PTPN22: variants seen among roughly 807,000 people sequenced by gnomAD.
The protein encoded by PTPN22 is protein tyrosine phosphatase non-receptor type 22, also known as tyrosine-protein phosphatase non-receptor type 22.
A neutral mutation model predicts 103.3 loss-of-function variants in PTPN22; 85 were observed. That is an observed-to-expected ratio of 0.82 (90% CI 0.69 to 0.99). The LOEUF (loss-of-function observed/expected upper bound fraction) is 0.99, where lower values mean the gene tolerates loss of function less well. Among genes scored for constraint, PTPN22 ranks in the 50% least tolerant of loss-of-function variants. The probability of loss-of-function intolerance (pLI) is 0.00; values close to 1 mark genes in which losing one functional copy is unlikely to be tolerated. For synonymous variants in PTPN22, 323 were observed against 310.2 expected (o/e 1.04, Z -0.43); for missense variants, 865 against 936.9 (o/e 0.92, Z 1.00).
intron 19 of PTPN22, among the ~76,000 whole-genome samples, chr1:113,823,766 CCT>C (rs1489510916): frequency 9.2e-5 from 14 of 152,278 alleles, no homozygotes; most frequent in East Asian, 3.9e-4. Context: ...TTTTATTTCC[CCT>C]GTTTCCTACC....
rs576378907 is a variant in PTPN22, at chr1:113,837,462, GA to G, written c.1810+127del. On this transcript the variant is annotated intron_variant, in intron 13 of 20. Coordinates refer to ENST00000359785, the Ensembl canonical transcript of PTPN22. ...GAGACTCCATCTCAAAAAAAAAAAA[GA>G]AAAAAAAGAGAAAAAAGAAAGAAAG... The G allele has an allele frequency of 5.0e-4, 341 of 683,470 alleles. 3 individuals carry two copies. In the South Asian group the frequency reaches 7.6e-3, roughly 15 times the overall value. The allele number at this position is 683,470 out of a possible 1,614,324, so 42.3% of individuals were successfully genotyped here.
chr1:113,833,562 A>G (rs751379415), intron 15 of PTPN22, among the ~76,000 whole-genome samples: 4 of 152,228 alleles, frequency 2.6e-5, no homozygotes, highest in Non-Finnish European at 5.9e-5. Flanking sequence ...TTTAAAAGGC[A>G]GAGAATATTT....
chr1:113,865,905 C>T (rs537448389), intron 1 of PTPN22, among the ~76,000 whole-genome samples: 2 of 152,292 alleles, frequency 1.3e-5, no homozygotes, highest in South Asian at 4.1e-4. Flanking sequence ...ATTTTACTGA[C>T]TTAATCCAAG....
Position 113,834,361 on chromosome 1 carries a change from C to G in PTPN22, c.1973G>C (p.Gly658Ala). 3.1e-6 allele frequency: 5 copies of G among 1,613,898 alleles called. No individual in the cohort carries two copies. In the South Asian group the frequency reaches 5.5e-5, roughly 18 times the overall value. The stretch of plus-strand genomic sequence containing the variant: ...ATCAAATTTCTTTGGTTCAGATGTT[C>G]CACCCCATTCCAGTGATGTTCCAAT... The change falls in exon 15 of 21, where the codon GGA (glycine) becomes GCA (alanine). Residue 658 changes from glycine (G) to alanine (A), a missense_variant. Gly to Ala is a moderately conservative substitution (Grantham distance 60). This residue lies in a region of PTPN22 where 401 missense variants were observed against 388.6 expected (regional missense o/e 1.03). Coordinates refer to ENST00000359785, the Ensembl canonical transcript of PTPN22.
rs1666499656 is a variant in PTPN22, at chr1:113,870,654, A to C, written c.87+883T>G. Among the ~76,000 whole-genome samples, 4 of 152,284 alleles carry C rather than the reference A, an allele frequency of 2.6e-5. No homozygotes were observed. The South Asian group carries it at 8.3e-4, about 32-fold the overall frequency. ...CCATCCTAGCCATTCCACTTCTCCA[A>C]GCAAAAGAAGTTAAGGAAGCCCTGT... On this transcript the variant is annotated intron_variant, in intron 1 of 20. Transcript: ENST00000359785.
rs190615374 is a variant in PTPN22, at chr1:113,855,570, G to A, written c.541-521C>T. 1.8e-3 allele frequency among the ~76,000 whole-genome samples: 270 copies of A among 149,806 alleles called. 1 individual carries two copies. The highest frequency in any genetic ancestry group is 3.3e-3 in the Non-Finnish European group (223 of 67,512). ...AATAGCCAGGATAATAAGACAACTT[G>A]TGGTTAGAACTCCACCTCATTATAC... is the stretch of plus-strand genomic sequence containing the variant. On this transcript the variant is annotated intron_variant, in intron 7 of 20. Transcript: ENST00000359785.
intron 13 of PTPN22, among the ~76,000 whole-genome samples, chr1:113,835,776 T>A (rs1265877444): frequency 6.6e-6 from 1 of 152,154 alleles, no homozygotes; most frequent in Admixed American, 6.5e-5. Flanking sequence ...ATATGGGTAT[T>A]TTTCCATTTT....
At chr1:113,848,555 T>C (rs1352771396) in exon 11 of PTPN22, 5 of 1,613,380 alleles carry the variant, frequency 3.1e-6, no homozygotes, top group Non-Finnish European at 4.2e-6. Flanking sequence ...TTCCAGAATG[T>C]TTATCTCTGA....
intron 19 of PTPN22, among the ~76,000 whole-genome samples, chr1:113,822,890 G>A (rs1353552694): frequency 6.6e-6 from 1 of 152,070 alleles, no homozygotes; most frequent in Non-Finnish European, 1.5e-5. Flanking sequence ...ACCTGGGAGG[G>A]GGAGGTTGCA....
intron 5 of PTPN22, chr1:113,856,938 C>T (rs975650250): frequency 4.3e-6 from 1 of 230,998 alleles, no homozygotes; most frequent in Non-Finnish European, 8.6e-6. Flanking sequence ...TACCTAGTTC[C>T]CTTGCTTTTG....
intron 19 of PTPN22, 172 bp from the exon 20 acceptor site, chr1:113,819,826 A>T: frequency 2.6e-6 from 1 of 390,008 alleles, no homozygotes; most frequent in Non-Finnish European, 4.4e-6. Flanking sequence ...TAATATTCTC[A>T]TTTGTATTTT....
chr1:113,830,881 A>G (rs1310182), intron 16 of PTPN22, among the ~76,000 whole-genome samples: 85,004 of 151,918 alleles, frequency 0.56, 24,555 homozygotes, highest in South Asian at 0.65. Context: ...AGAGGTTCAC[A>G]TGTCATTGGT....
At chr1:113,824,867 AT>A (rs769690611) in intron 19 of PTPN22, among the ~76,000 whole-genome samples, 11 of 149,304 alleles carry the variant, frequency 7.4e-5, no homozygotes, top group African/African-American at 1.5e-4. Flanking sequence ...TAAATTTAAA[AT>A]TTTTTTAATG....
At chr1:113,857,339 C>G (rs1665167319) in intron 5 of PTPN22, among the ~76,000 whole-genome samples, 1 of 152,036 alleles carries the variant, frequency 6.6e-6, no homozygotes, top group African/African-American at 2.4e-5. Flanking sequence ...AAGTTTAAAT[C>G]AATTAAAATA....
At chr1:113,863,230 T>A (rs1460724116) in intron 1 of PTPN22, among the ~76,000 whole-genome samples, 1 of 152,094 alleles carries the variant, frequency 6.6e-6, no homozygotes, top group African/African-American at 2.4e-5. Context: ...GTAGCTGGGA[T>A]TACAGGCACC....
intron 16 of PTPN22, among the ~76,000 whole-genome samples, chr1:113,832,604 G>A (rs1465655651): frequency 6.6e-6 from 1 of 152,080 alleles, no homozygotes; most frequent in Non-Finnish European, 1.5e-5. Flanking sequence ...TATATTATCT[G>A]TATATGTATT....
chr1:113,852,950 G>A (rs1002951149), intron 9 of PTPN22, among the ~76,000 whole-genome samples: 3 of 152,082 alleles, frequency 2.0e-5, no homozygotes, highest in African/African-American at 4.8e-5. Context: ...GTTTTGTTTT[G>A]TTTTTGAAAC....
chr1:113,840,040 C>T (rs1032820905), intron 11 of PTPN22, among the ~76,000 whole-genome samples: 1 of 151,790 alleles, frequency 6.6e-6, no homozygotes, highest in Non-Finnish European at 1.5e-5. Flanking sequence ...GGTGAAAGCC[C>T]GTCTCTATTA....
At chr1:113,858,659 T>TTTTA in intron 3 of PTPN22, 86 bp from the exon 4 acceptor site, 1 of 822,316 alleles carries the variant, frequency 1.2e-6, no homozygotes, top group African/African-American at 1.8e-5. Context: ...TTTTTTTTTT[T>TTTTA]GAGATGGTCT....
Sources: gnomAD v4.1 joint callset for allele counts (sites outside exome capture counted in the v4.1 genomes callset) on GRCh38, gnomAD v4.1.1 for gene constraint, gnomAD v4.1.1 regional missense constraint, MANE v1.5 for transcripts, NCBI Gene and HGNC (gene_info 2026-07-23, HGNC 2026-07-21) for gene names.